TUT4: variants seen among roughly 807,000 people sequenced by gnomAD.
TUT4 encodes the protein terminal uridylyltransferase 4.
TUT4 carries 36 observed loss-of-function variants against 192.2 expected under a neutral mutation model. The observed-to-expected ratio is 0.19, with a 90% CI of 0.14 to 0.25. TUT4 has a LOEUF of 0.25. Among genes scored for constraint, TUT4 ranks in the 10% least tolerant of loss-of-function variants. The pLI, the probability that TUT4 is intolerant of heterozygous loss-of-function variation, is 1.00. For synonymous variants in TUT4, 618 were observed against 666.0 expected, an observed-to-expected ratio of 0.93 and a Z score of 1.11; for missense variants, 1,493 against 1,957.2, an observed-to-expected ratio of 0.76 and a Z score of 4.47.
rs1681590692 is a variant in TUT4 at position 52,525,742 on chromosome 1, A to G, written c.539T>C (p.Ile180Thr). The G allele has an allele frequency of 6.2e-7, 1 of 1,613,990 alleles. No homozygotes were observed. Among genetic ancestry groups the G allele is most frequent in the Admixed American group, 1.7e-5 (1 of 60,002 alleles). The change falls in exon 2 of 30, where the codon ATT becomes ACT. Residue 180 changes from isoleucine to threonine, a missense_variant. Coordinates refer to ENST00000257177, the MANE Select transcript of TUT4 (RefSeq NM_001009881.3). ...AAAGGAGCTTGGAATTTTTTTTCCA[A>G]TCTGTTGTAATTCTGTCTTCTGTCT... ...DMRQKTELQQ[I>T]GKKIPSSFTS...
intron 15 of TUT4, 44 bp from the exon 16 acceptor site, chr1:52,465,217 G>C (rs1257626645): frequency 7.0e-7 from 1 of 1,438,118 alleles, no homozygotes; most frequent in African/African-American, 1.4e-5. Context: ...TATAAGCAGA[G>C]AGGAGGAGTC....
At position 52,525,676 on chromosome 1, in the gene TUT4, T is replaced by C. The variant is rs1681569410; in HGVS notation, c.605A>G (p.Glu202Gly). 1 of 1,614,038 alleles carries C rather than the reference T, an allele frequency of 6.2e-7. No homozygotes were observed. Among genetic ancestry groups the C allele is most frequent in the Admixed American group, 1.7e-5 (1 of 59,994 alleles). ...DKVNIEAVGG[E>G]KCALQNSPRS... ...TGGTGAGTTTTGCAGAGCACATTTT[T>C]CTCCCCCTACAGCTTCAATATTCAC... Residue 202 changes from glutamate to glycine, a missense_variant, in exon 2 of 30, where the codon GAA becomes GGA. Glu to Gly is a moderately conservative substitution (Grantham distance 98). Around this residue, in one of 7 missense-constraint regions of TUT4, gnomAD observed 260 missense variants for 247.8 expected, o/e 1.05. Transcript: ENST00000257177.
chr1:52,546,712 T>C (rs1688175248), intron 1 of TUT4, among the ~76,000 whole-genome samples: 1 of 152,212 alleles, frequency 6.6e-6, no homozygotes, highest in African/African-American at 2.4e-5. Context: ...ACTGCAATTT[T>C]TAAAAGTTGG....
At chr1:52,503,807 C>G (rs1460528423) in intron 4 of TUT4, among the ~76,000 whole-genome samples, 1 of 152,156 alleles carries the variant, frequency 6.6e-6, no homozygotes, top group Non-Finnish European at 1.5e-5. Flanking sequence ...ACACCTTTCT[C>G]TATTTTTCCT....
intron 16 of TUT4, 187 bp from the exon 17 acceptor site, chr1:52,461,956 AG>A (rs1443364478): frequency 5.8e-5 from 25 of 429,856 alleles, no homozygotes; most frequent in African/African-American, 4.8e-4. Flanking sequence ...ATAGAAATGC[AG>A]AATCTGAGGA....
intron 3 of TUT4, among the ~76,000 whole-genome samples, chr1:52,513,775 A>G (rs778665056): frequency 1.4e-4 from 21 of 152,102 alleles, no homozygotes; most frequent in Non-Finnish European, 2.1e-4. Flanking sequence ...TTATTTGCTT[A>G]TGTGTCTTTC....
Position 52,477,730 on chromosome 1 carries a change from A to T in TUT4, c.2001T>A (p.Pro667=). ...DILTRENKNW[P]KRRIAIEDPF... ...CACCTTCAATGGCTATTCGCCTTTT[A>T]GGCCAGTTTTTATTTTCTCTTGTTA... Residue 667 remains proline, a synonymous_variant, in exon 12 of 30, where the codon CCT becomes CCA. Transcript: ENST00000257177. The T allele has an allele frequency of 1.2e-6, 2 of 1,609,308 alleles. No homozygotes were observed. Among genetic ancestry groups the T allele is most frequent in the Non-Finnish European group, 1.7e-6 (2 of 1,178,748 alleles).
chr1:52,446,221 C>T (rs370778320), intron 22 of TUT4, 44 bp downstream of exon 22: 11 of 1,564,002 alleles, frequency 7.0e-6, no homozygotes, highest in South Asian at 1.2e-5. Context: ...ATTTCGTTGA[C>T]CAAATTTTGG....
At chr1:52,468,120 T>C (rs975532825) in intron 15 of TUT4, 61 bp downstream of exon 15, 2 of 1,231,114 alleles carry the variant, frequency 1.6e-6, no homozygotes, top group South Asian at 1.3e-5. Context: ...TTTAAATAAA[T>C]GAAACTCAAG....
At chr1:52,444,157 C>G (rs1367765514) in intron 24 of TUT4, among the ~76,000 whole-genome samples, 1 of 152,090 alleles carries the variant, frequency 6.6e-6, no homozygotes, top group African/African-American at 2.4e-5. Context: ...TCGCTTGAAT[C>G]CAGGAGGCGG....
intron 2 of TUT4, among the ~76,000 whole-genome samples, chr1:52,516,880 G>C (rs1278048094): frequency 6.6e-6 from 1 of 152,140 alleles, no homozygotes; most frequent in Non-Finnish European, 1.5e-5. Flanking sequence ...ACCAACTTTA[G>C]ATATGGGAGC....
chr1:52,514,029 T>C (rs1033712009), intron 3 of TUT4, among the ~76,000 whole-genome samples: 2 of 152,226 alleles, frequency 1.3e-5, no homozygotes, highest in Admixed American at 6.5e-5. Context: ...CTTTATTATA[T>C]TATAAATAAG....
chr1:52,453,166 C>T (rs1057004439), intron 20 of TUT4, among the ~76,000 whole-genome samples: 1 of 152,032 alleles, frequency 6.6e-6, no homozygotes, highest in East Asian at 1.9e-4. Flanking sequence ...AGGTGGATCA[C>T]CTGACATAAG....
chr1:52,509,753 C>A, intron 3 of TUT4, 41 bp from the exon 4 acceptor site: 1 of 1,150,452 alleles, frequency 8.7e-7, no homozygotes, highest in Non-Finnish European at 1.3e-6. Context: ...ATTCAGAAAA[C>A]AGAGGAGTAA....
chr1:52,465,706 G>A (rs1034968478), intron 15 of TUT4, among the ~76,000 whole-genome samples: 4 of 152,146 alleles, frequency 2.6e-5, no homozygotes, highest in African/African-American at 9.7e-5. Flanking sequence ...AATTCATGTA[G>A]GTTTACAAAT....
At chr1:52,511,064 T>C (rs1189566784) in intron 3 of TUT4, among the ~76,000 whole-genome samples, 2 of 152,222 alleles carry the variant, frequency 1.3e-5, no homozygotes, top group African/African-American at 4.8e-5. Flanking sequence ...GAAAATTACA[T>C]AATTTCTTTT....
chr1:52,528,134 G>A (rs184591692), intron 1 of TUT4, among the ~76,000 whole-genome samples: 3 of 150,994 alleles, frequency 2.0e-5, no homozygotes, highest in East Asian at 1.9e-4. Flanking sequence ...AACTGAGATC[G>A]CGCCACAGCA....
At position 52,489,049 on chromosome 1, in the gene TUT4, A is replaced by G. The variant is rs771471912; in HGVS notation, c.1389-14T>C. 2.2e-5 allele frequency: 36 copies of G among 1,602,768 alleles called. No individual in the cohort carries two copies. Among genetic ancestry groups the G allele is most frequent in the Non-Finnish European group, 3.1e-5 (36 of 1,176,754 alleles). Reference sequence around the variant, plus strand: ...CAAAGTAAACCACTGTGAATGAGAAAGAAACAAATTTCATTGTATTAATAC... The same window carrying G: ...CAAAGTAAACCACTGTGAATGAGAAGGAAACAAATTTCATTGTATTAATAC... On this transcript the variant is annotated splice_polypyrimidine_tract_variant and intron_variant, in intron 8 of 29. Transcript: ENST00000257177.
At chr1:52,424,858 T>C (rs1649301695) in intron 29 of TUT4, 1 of 153,178 alleles carries the variant, frequency 6.5e-6, no homozygotes, top group African/African-American at 2.4e-5. Flanking sequence ...CTACCCTCTC[T>C]AGCCTTATCA....
Sources: allele counts gnomAD v4.1 joint callset (sites outside exome capture counted in the v4.1 genomes callset), GRCh38; gene constraint gnomAD v4.1.1; regional missense constraint gnomAD v4.1.1; transcripts MANE v1.5; gene names NCBI Gene and HGNC (gene_info 2026-07-23, HGNC 2026-07-21).